Variants in SREBF1 observed in about 807,000 individuals in gnomAD.
SREBF1 encodes sterol regulatory element binding transcription factor 1.
Under a neutral mutation model 100.1 loss-of-function variants are expected in SREBF1, and 45 were observed. The observed-to-expected ratio is 0.45, with a 90% confidence interval of 0.35 to 0.58. The LOEUF is 0.58. Ranked by LOEUF, SREBF1 falls within the 20% of genes least tolerant of loss-of-function variation. The pLI is 0.00. For synonymous variants in SREBF1, 657 were observed against 681.8 expected (o/e 0.96, Z 0.57); for missense variants, 1,324 against 1,539.4 (o/e 0.86, Z 2.34).
intron 16 of SREBF1, 107 bp from the exon 17 acceptor site, chr17:17,813,876 C>G: frequency 8.8e-7 from 1 of 1,141,518 alleles, no homozygotes; most frequent in Non-Finnish European, 1.3e-6. Flanking sequence ...TGCCGAGGCA[C>G]TGCACCCGCC....
At chr17:17,820,933 T>C in intron 1 of SREBF1, 1 of 286,968 alleles carries the variant, frequency 3.5e-6, no homozygotes, top group South Asian at 3.5e-5. Flanking sequence ...CAGGCTCACA[T>C]TCATTCACTC....
chr17:17,823,661 C>A, intron 1 of SREBF1: 1 of 1,274,072 alleles, frequency 7.8e-7, no homozygotes, highest in African/African-American at 1.5e-5. Flanking sequence ...CGCGCCCGCC[C>A]CGCCCCGCCC....
chr17:17,823,581 C>T lies in SREBF1; in HGVS notation c.92-3060G>A, dbSNP rs1193476461. On this transcript the variant is annotated intron_variant, in intron 1 of 18. Coordinates refer to ENST00000261646, the MANE Select transcript of SREBF1 (RefSeq NM_004176.5). Reference sequence around the variant, plus strand: ...GCCCTTGGGGCGTCCAGGCCGTTGGCCCTACCCCTCCCCGCGCCGACTTCA... The same window carrying T: ...GCCCTTGGGGCGTCCAGGCCGTTGGTCCTACCCCTCCCCGCGCCGACTTCA... 4 of 1,613,060 alleles carry T rather than the reference C, an allele frequency of 2.5e-6. No individual in the cohort carries two copies. In the Admixed American group the frequency reaches 6.7e-5, roughly 27 times the overall value.
chr17:17,828,906 C>T (rs1241832333), intron 1 of SREBF1, among the ~76,000 whole-genome samples: 1 of 151,596 alleles, frequency 6.6e-6, no homozygotes, highest in African/African-American at 2.4e-5. Context: ...AGAGCAAGAC[C>T]CCGTCTCTAA....
In SREBF1 at chr17:17,817,215, C is replaced by T. The variant is rs530183030; in HGVS notation, c.1606+41G>A. 1.4e-5 allele frequency: 23 copies of T among 1,609,180 alleles called. No homozygotes were observed. Among genetic ancestry groups the T allele is most frequent in the Non-Finnish European group, 1.8e-5 (21 of 1,178,270 alleles). On this transcript the variant is annotated intron_variant, in intron 8 of 18. Coordinates refer to ENST00000261646, the MANE Select transcript of SREBF1 (RefSeq NM_004176.5). The surrounding 1 kb of genome is among the most constrained non-coding windows in gnomAD (Gnocchi z 6.6). ...AGTTCACAAGCCTGGGGGCTCACCC[C>T]GAGTGTCCCTCCCAAAGATGCCCAG... is the stretch of plus-strand genomic sequence containing the variant.
At chr17:17,816,417 G>A in intron 10 of SREBF1, 40 bp downstream of exon 10, 1 of 1,600,742 alleles carries the variant, frequency 6.2e-7, no homozygotes. Context: ...AGCACAGGCA[G>A]CAGGGAGCAC....
chr17:17,823,402 G>A (rs766463702), intron 1 of SREBF1: 4 of 842,248 alleles, frequency 4.7e-6, no homozygotes, highest in East Asian at 2.5e-5. Context: ...CTTCTCCCTC[G>A]GGAAGGGGCT....
At chr17:17,818,496 T>TGCACTTGTTCCTTC (rs1156479178) in intron 5 of SREBF1, 122 bp from the exon 6 acceptor site, 19 of 724,176 alleles carry the variant, frequency 2.6e-5, no homozygotes, top group Non-Finnish European at 4.2e-5. Context: ...TCAGGACCTT[T>TGCACTTGTTCCTTC]GCACTTGTTC....
At chr17:17,835,501 T>G (rs554597213) in intron 1 of SREBF1, among the ~76,000 whole-genome samples, 2 of 152,176 alleles carry the variant, frequency 1.3e-5, no homozygotes, top group African/African-American at 4.8e-5. Flanking sequence ...GGTGGTGGCA[T>G]AGATATATCT....
At chr17:17,815,752 GAGA>G (rs2033493773) in intron 12 of SREBF1, 105 bp downstream of exon 12, 10 of 1,222,302 alleles carry the variant, frequency 8.2e-6, no homozygotes, top group Middle Eastern at 1.9e-4. Flanking sequence ...CCATGGCAGG[GAGA>G]AGGACTGGGG....
Position 17,819,015 on chromosome 17 carries a change from T to C in SREBF1, c.1066A>G (p.Lys356Glu), listed in dbSNP as rs766494383. 2.0e-5 allele frequency: 33 copies of C among 1,613,006 alleles called. No homozygotes were observed. In the South Asian group the frequency reaches 3.6e-4, roughly 18 times the overall value. The change falls in exon 5 of 19, where the codon AAG (lysine) becomes GAG (glutamate). Residue 356 changes from lysine (K) to glutamate (E), a missense_variant and splice_region_variant. Transcript: ENST00000261646. ...LKDLVVGTEA[K>E]LNKSAVLRKA... ...TGCCCCTGCAGGCCTCTCCACACCT[T>C]TGCCTCAGTGCCCACCACCAGATCC...
At chr17:17,822,120 CAAGAA>C (rs1345154185) in intron 1 of SREBF1, among the ~76,000 whole-genome samples, 1 of 152,236 alleles carries the variant, frequency 6.6e-6, no homozygotes, top group Non-Finnish European at 1.5e-5. Flanking sequence ...ATCTTGGAGA[CAAGAA>C]AAGACACTGA....
intron 1 of SREBF1, among the ~76,000 whole-genome samples, chr17:17,823,046 C>A (rs373442025): frequency 8.5e-5 from 13 of 152,206 alleles, no homozygotes; most frequent in Non-Finnish European, 1.5e-4. Context: ...TGAGCCTCTT[C>A]GATAGATGGG....
intron 1 of SREBF1, among the ~76,000 whole-genome samples, chr17:17,835,522 C>A (rs946910706): frequency 1.3e-5 from 2 of 152,188 alleles, no homozygotes; most frequent in African/African-American, 4.8e-5. Flanking sequence ...GTTTTGCCAA[C>A]CCCAGGGTGG....
chr17:17,817,733 TCACTGCCACTGCCAC>T lies in SREBF1; in HGVS notation c.1352_1366del (p.Gly451_Ser455del), dbSNP rs1567968943. The T allele has an allele frequency of 2.5e-6, 4 of 1,613,188 alleles. No individual in the cohort carries two copies. The Admixed American group carries it at 5.0e-5, about 20-fold the overall frequency. On this transcript the variant is annotated inframe_deletion, in exon 7 of 19. Coordinates refer to ENST00000261646, the MANE Select transcript of SREBF1 (RefSeq NM_004176.5). This position sits in a 1 kb window ranked among gnomAD's most constrained non-coding sequence, Gnocchi z 6.6. The stretch of plus-strand genomic sequence containing the variant: ...AAAGACTGGGCTGTCAGGCTCCGAG[TCACTGCCACTGCCAC>T]CGCTGCCACTGCCCCTGCTGCCAAG...
At position 17,811,572 on chromosome 17, in the gene SREBF1, C is replaced by T; in HGVS notation, c.*1050G>A. 5.6e-6 allele frequency: 2 copies of T among 356,120 alleles called. No homozygotes were observed. Among genetic ancestry groups the T allele is most frequent in the South Asian group, 4.0e-5 (2 of 49,664 alleles). 22.1% of individuals were successfully genotyped at this position (356,120 alleles called of 1,614,324 possible). The stretch of plus-strand genomic sequence containing the variant: ...GCATGAATGGAGTCAGGGAGTCGGC[C>T]TTTCACAGAACAGGAAACCTCCCCC... On this transcript the variant is annotated 3_prime_UTR_variant, in exon 19 of 19. Coordinates refer to ENST00000261646, the MANE Select transcript of SREBF1 (RefSeq NM_004176.5).
rs965777389 is a variant in SREBF1, at chr17:17,816,671, T to C, written c.1833A>G (p.Ala611=). The change falls in exon 10 of 19, where the codon GCA becomes GCG. Residue 611 remains alanine, a synonymous_variant. Coordinates refer to ENST00000261646, the MANE Select transcript of SREBF1 (RefSeq NM_004176.5). The part of the protein sequence containing the change: ...AAQQLWLALR[A]LGRPLPTSHL... ...GGGAGGTGGGCAGGGGCCGGCCCAG[T>C]GCCCGCAGGGCCAGCCACAGCTGCT... 5 of 1,583,000 alleles carry C rather than the reference T, an allele frequency of 3.2e-6. No individual in the cohort carries two copies. The highest frequency in any genetic ancestry group is 2.7e-5 in the African/African-American group (2 of 74,418).
intron 1 of SREBF1, 111 bp from the exon 2 acceptor site, chr17:17,820,632 T>C: frequency 1.6e-6 from 2 of 1,214,968 alleles, no homozygotes; most frequent in South Asian, 2.6e-5. Context: ...GGCACACAGC[T>C]GTATGTGTGG....
At chr17:17,820,544 C>A (rs756397641) in intron 1 of SREBF1, 23 bp from the exon 2 acceptor site, 1 of 1,611,414 alleles carries the variant, frequency 6.2e-7, no homozygotes, top group South Asian at 1.1e-5. Flanking sequence ...GAAGAGGGTG[C>A]GTGAGTGAGG....
Sources: allele counts gnomAD v4.1 joint callset (sites outside exome capture counted in the v4.1 genomes callset), GRCh38; gene constraint gnomAD v4.1.1; non-coding constraint Gnocchi (gnomAD v3.1); transcripts MANE v1.5; gene names NCBI Gene and HGNC (gene_info 2026-07-23, HGNC 2026-07-21).